SNTG1: variants seen among roughly 807,000 people sequenced by gnomAD.
SNTG1 encodes the protein gamma-1-syntrophin.
In SNTG1, 39 loss-of-function variants were observed where a neutral mutation model predicts 74.7. That is an observed-to-expected ratio of 0.52 (90% CI 0.40 to 0.68). The LOEUF (loss-of-function observed/expected upper bound fraction) is 0.68, where lower values mean the gene tolerates loss of function less well. Ranked by LOEUF, SNTG1 falls within the 30% of genes least tolerant of loss-of-function variation. The pLI is 0.00. For missense variants in SNTG1, 685 were observed against 609.5 expected (o/e 1.12, Z -1.30); for synonymous variants, 254 against 217.1 (o/e 1.17, Z -1.49).
chr8:50,722,143 CATATGTGTATATATATATACGT>C (rs1356851126), intron 17 of SNTG1, among the ~76,000 whole-genome samples: 1 of 151,406 alleles, frequency 6.6e-6, no homozygotes, highest in African/African-American at 2.4e-5. Flanking sequence ...TATATGTATA[CATATGTGTATATATATATACGT>C]ATATGTGTGT....
intron 12 of SNTG1, among the ~76,000 whole-genome samples, chr8:50,581,765 T>C (rs1015864540): frequency 4.6e-5 from 7 of 152,194 alleles, no homozygotes; most frequent in African/African-American, 1.7e-4. Flanking sequence ...ACAAAGTTCT[T>C]TGGTTTCACA....
At chr8:50,727,600 G>T (rs540089279) in intron 17 of SNTG1, among the ~76,000 whole-genome samples, 29 of 152,086 alleles carry the variant, frequency 1.9e-4, no homozygotes, top group South Asian at 6.2e-4. Flanking sequence ...ACAAGAGAAG[G>T]GTTAGTGAGA....
At chr8:50,697,549 G>A (rs1585568337) in intron 15 of SNTG1, among the ~76,000 whole-genome samples, 1 of 152,260 alleles carries the variant, frequency 6.6e-6, no homozygotes, top group African/African-American at 2.4e-5. Flanking sequence ...TCAGTATGAT[G>A]TTGACTGTGG....
intron 1 of SNTG1, among the ~76,000 whole-genome samples, chr8:50,128,970 A>T (rs2081230852): frequency 6.6e-6 from 1 of 152,112 alleles, no homozygotes; most frequent in African/African-American, 2.4e-5. Context: ...TCATGAAATT[A>T]CTTTGAAATC....
At chr8:50,682,844 G>A (rs1021303656) in intron 15 of SNTG1, among the ~76,000 whole-genome samples, 2 of 152,082 alleles carry the variant, frequency 1.3e-5, no homozygotes, top group African/African-American at 4.8e-5. Flanking sequence ...CAAGCCTGAG[G>A]TCCTTTGAAT....
intron 4 of SNTG1, among the ~76,000 whole-genome samples, chr8:50,423,387 G>C (rs888945246): frequency 6.6e-6 from 1 of 152,060 alleles, no homozygotes; most frequent in African/African-American, 2.4e-5. Flanking sequence ...CATTTCTCCT[G>C]GTTCTGAATT....
At chr8:50,388,645 G>A (rs2092610479) in intron 2 of SNTG1, among the ~76,000 whole-genome samples, 1 of 152,108 alleles carries the variant, frequency 6.6e-6, no homozygotes, top group South Asian at 2.1e-4. Context: ...CCAGCAGGCT[G>A]GAAACTCTCA....
At chr8:49,963,531 A>G (rs1563402439) in intron 1 of SNTG1, among the ~76,000 whole-genome samples, 1 of 152,170 alleles carries the variant, frequency 6.6e-6, no homozygotes, top group African/African-American at 2.4e-5. Flanking sequence ...ATGCTCTCCA[A>G]TAAATTAGAA....
At chr8:50,469,560 C>T (rs1363952256) in intron 8 of SNTG1, among the ~76,000 whole-genome samples, 1 of 152,168 alleles carries the variant, frequency 6.6e-6, no homozygotes, top group Non-Finnish European at 1.5e-5. Flanking sequence ...TGTGCCAGCC[C>T]CCACTCCCCC....
intron 1 of SNTG1, among the ~76,000 whole-genome samples, chr8:50,137,147 T>C (rs1364809184): frequency 1.3e-5 from 2 of 152,196 alleles, no homozygotes; most frequent in African/African-American, 4.8e-5. Context: ...GGTGTTAACA[T>C]ACTGTATTTA....
At chr8:50,076,592 C>A (rs546666764) in intron 1 of SNTG1, among the ~76,000 whole-genome samples, 1 of 148,524 alleles carries the variant, frequency 6.7e-6, no homozygotes, top group South Asian at 2.2e-4. Flanking sequence ...AATATTCCGT[C>A]GTAAAAATAT....
At chr8:50,049,749 C>G (rs908284395) in intron 1 of SNTG1, among the ~76,000 whole-genome samples, 4 of 151,916 alleles carry the variant, frequency 2.6e-5, no homozygotes, top group African/African-American at 7.3e-5. Context: ...TAGAAACATA[C>G]AAAGTATAAT....
chr8:50,541,455 A>C (rs2094346330), intron 11 of SNTG1, among the ~76,000 whole-genome samples: 1 of 151,996 alleles, frequency 6.6e-6, no homozygotes, highest in African/African-American at 2.4e-5. Flanking sequence ...ACAACTAATA[A>C]TCTGTTCTTC....
chr8:50,223,158 G>A (rs986935467), intron 2 of SNTG1, among the ~76,000 whole-genome samples: 1 of 152,034 alleles, frequency 6.6e-6, no homozygotes, highest in Non-Finnish European at 1.5e-5. Flanking sequence ...CAAGGGGAGG[G>A]TGATGAGGAA....
At chr8:50,424,083 T>C (rs924077379) in intron 4 of SNTG1, among the ~76,000 whole-genome samples, 2 of 152,084 alleles carry the variant, frequency 1.3e-5, no homozygotes, top group East Asian at 3.9e-4. Context: ...TAACAACAAA[T>C]AAACATGATG....
chr8:50,653,592 GAAAC>G lies in SNTG1; in HGVS notation c.850-3312_850-3309del, dbSNP rs375881948. On this transcript the variant is annotated intron_variant, in intron 13 of 18. Coordinates refer to ENST00000642720, the MANE Select transcript of SNTG1 (RefSeq NM_018967.5). The stretch of plus-strand genomic sequence containing the variant: ...TCTCCTTTGCTTTTGCATTGTTTAT[GAAAC>G]AAACTGTTTATTTTTTTCTATATGT... 3.0e-3 allele frequency among the ~76,000 whole-genome samples: 463 copies of G among 152,126 alleles called. 3 individuals are homozygous for G. Among genetic ancestry groups the G allele is most frequent in the African/African-American group, 0.011 (446 of 41,512 alleles).
intron 1 of SNTG1, among the ~76,000 whole-genome samples, chr8:50,089,738 A>T (rs1270056572): frequency 6.6e-6 from 1 of 152,210 alleles, no homozygotes; most frequent in Non-Finnish European, 1.5e-5. Context: ...AATGGCAATC[A>T]TTAAAAAGTC....
At chr8:50,667,207 G>A (rs1468361129) in intron 15 of SNTG1, among the ~76,000 whole-genome samples, 5 of 152,040 alleles carry the variant, frequency 3.3e-5, no homozygotes, top group Non-Finnish European at 7.4e-5. Flanking sequence ...CCAGCAGACT[G>A]TAATTTATGT....
chr8:50,461,720 ATTGT>A (rs897411965), intron 8 of SNTG1, among the ~76,000 whole-genome samples: 44 of 97,596 alleles, frequency 4.5e-4, no homozygotes, highest in East Asian at 9.9e-4. Context: ...TGTTGTTGTT[ATTGT>A]TTGTTTGTTT....
Sources: allele counts gnomAD v4.1 joint callset (sites outside exome capture counted in the v4.1 genomes callset), GRCh38; gene constraint gnomAD v4.1.1; transcripts MANE v1.5; gene names NCBI Gene and HGNC (gene_info 2026-07-23, HGNC 2026-07-21).